The following PDLIM1 variants were observed in gnomAD, a reference collection of about 807,000 sequenced individuals.
PDLIM1 encodes the protein PDZ and LIM domain 1, also known as PDZ and LIM domain protein 1.
A neutral mutation model predicts 35.2 loss-of-function variants in PDLIM1; 25 were observed. The observed-to-expected ratio is 0.71, with a 90% CI of 0.52 to 0.99. The LOEUF is 0.99. PDLIM1 is among the 50% of genes least tolerant of loss of function. The pLI is 0.00. For synonymous variants in PDLIM1, 152 were observed against 154.0 expected (o/e 0.99, Z 0.10); for missense variants, 363 against 415.3 (o/e 0.87, Z 1.09).
chr10:95,288,729 G>A (rs540953873), intron 1 of PDLIM1, among the ~76,000 whole-genome samples: 13 of 152,220 alleles, frequency 8.5e-5, no homozygotes, highest in African/African-American at 3.1e-4. Context: ...TATTAATAAG[G>A]AGCTGAAGAG....
intron 4 of PDLIM1, among the ~76,000 whole-genome samples, chr10:95,259,461 AT>A (rs1439734269): frequency 2.0e-5 from 3 of 152,194 alleles, no homozygotes; most frequent in African/African-American, 7.2e-5. Context: ...CAAAAACGCC[AT>A]TCTGGGAAAC....
At chr10:95,239,973 T>C (rs868032062) in intron 5 of PDLIM1, among the ~76,000 whole-genome samples, 4 of 152,104 alleles carry the variant, frequency 2.6e-5, no homozygotes, top group Non-Finnish European at 4.4e-5. Flanking sequence ...ATGGCTATTA[T>C]TAAAAAGTAA....
chr10:95,266,399 C>T (rs2035417702), intron 3 of PDLIM1, among the ~76,000 whole-genome samples: 1 of 152,030 alleles, frequency 6.6e-6, no homozygotes, highest in Non-Finnish European at 1.5e-5. Context: ...CCAGGATGGT[C>T]ATTCTTTCTT....
Position 95,290,746 on chromosome 10 carries a change from G to C in PDLIM1, c.96+74C>G. On this transcript the variant is annotated intron_variant, in intron 1 of 6. Transcript: ENST00000329399. This position sits in a 1 kb window ranked among gnomAD's most constrained non-coding sequence, Gnocchi z 4.7. ...CGGTTCCGACTCCGTCCCCGACCGC[G>C]CCCGCGGGGCCCCAGTCTCCGCATA... 9.4e-7 allele frequency: 1 copy of C among 1,064,166 alleles called. No individual in the cohort carries two copies. The highest frequency in any genetic ancestry group is 1.3e-6 in the Non-Finnish European group (1 of 760,340). The allele number at this position is 1,064,166 out of a possible 1,614,324, so 65.9% of individuals were successfully genotyped here.
intron 1 of PDLIM1, among the ~76,000 whole-genome samples, chr10:95,274,194 C>T (rs2035490991): frequency 6.6e-6 from 1 of 152,070 alleles, no homozygotes; most frequent in Non-Finnish European, 1.5e-5. Context: ...TTACCTCTGC[C>T]TGATTAACTT....
At chr10:95,248,034 G>A in intron 4 of PDLIM1, among the ~76,000 whole-genome samples, 1 of 152,234 alleles carries the variant, frequency 6.6e-6, no homozygotes, top group East Asian at 1.9e-4. Context: ...CATGCTGGGT[G>A]ACCCAGAACA....
chr10:95,281,858 C>T (rs1422775775), intron 1 of PDLIM1, among the ~76,000 whole-genome samples: 6 of 152,192 alleles, frequency 3.9e-5, no homozygotes, highest in Non-Finnish European at 1.5e-5. Flanking sequence ...TTTCCCTTGG[C>T]CAGAAAACTC....
intron 2 of PDLIM1, among the ~76,000 whole-genome samples, chr10:95,269,366 G>GT: frequency 6.6e-6 from 1 of 152,284 alleles, no homozygotes; most frequent in South Asian, 2.1e-4. Context: ...GAGGTCTGGA[G>GT]TTTGACATCA....
At position 95,290,217 on chromosome 10, in the gene PDLIM1, G is replaced by A. The variant is rs2035640639; in HGVS notation, c.96+603C>T. ...ACGGCGGGGCCACGTTCTGCAGAGG[G>A]GAGAATGACCAAGAGGGTTTACTTG... On this transcript the variant is annotated intron_variant, in intron 1 of 6. Transcript: ENST00000329399. This position sits in a 1 kb window ranked among gnomAD's most constrained non-coding sequence, Gnocchi z 4.7. Among the ~76,000 whole-genome samples the A allele has an allele frequency of 6.6e-6, 1 of 152,136 alleles. No homozygotes were observed. The highest frequency in any genetic ancestry group is 2.4e-5 in the African/African-American group (1 of 41,408).
intron 1 of PDLIM1, among the ~76,000 whole-genome samples, chr10:95,287,424 T>C (rs1185206283): frequency 1.3e-5 from 2 of 152,160 alleles, no homozygotes; most frequent in Non-Finnish European, 2.9e-5. Flanking sequence ...AGAAAAAGCA[T>C]AAGCATTTGC....
chr10:95,263,438 T>C (rs947627171), intron 4 of PDLIM1, among the ~76,000 whole-genome samples: 1 of 152,134 alleles, frequency 6.6e-6, no homozygotes, highest in African/African-American at 2.4e-5. Flanking sequence ...TCTCCCTTGC[T>C]TAGTTCAGAT....
rs1444629850 is a variant in PDLIM1, at chr10:95,238,046, C to T, written c.869G>A (p.Gly290Asp). 12 of 1,614,142 alleles carry T rather than the reference C, an allele frequency of 7.4e-6. No individual in the cohort carries two copies. The Admixed American group carries it at 8.3e-5, about 11-fold the overall frequency. Residue 290 changes from glycine (G) to aspartate (D), a missense_variant, in exon 7 of 7, where the codon GGC becomes GAC. Physicochemically the swap from Gly to Asp is moderately conservative, Grantham distance 94 (BLOSUM62 -1). Transcript: ENST00000329399. ...HPECYVCTDC[G>D]TNLKQKGHFF... ...ATGGCCCTTCTGTTTCAGGTTGGTGCCACAGTCAGTGCACACATAACACTC... is the reference window on the plus strand; with the variant it reads ...ATGGCCCTTCTGTTTCAGGTTGGTGTCACAGTCAGTGCACACATAACACTC...
At chr10:95,257,038 G>GAAAT (rs1440640324) in intron 4 of PDLIM1, among the ~76,000 whole-genome samples, 2,243 of 129,432 alleles carry the variant, frequency 0.017, 85 homozygotes, top group Admixed American at 0.034. Flanking sequence ...AAGAAAGAAA[G>GAAAT]AATTCAAAAT....
chr10:95,239,262 G>A (rs2035153471), intron 5 of PDLIM1, among the ~76,000 whole-genome samples: 1 of 152,086 alleles, frequency 6.6e-6, no homozygotes. Context: ...GAAAATCTAG[G>A]CAATACCATT....
intron 3 of PDLIM1, among the ~76,000 whole-genome samples, chr10:95,266,454 C>G (rs2035418094): frequency 6.6e-6 from 1 of 152,126 alleles, no homozygotes; most frequent in African/African-American, 2.4e-5. Flanking sequence ...GCAGAGGATG[C>G]AGAGCCCCAA....
rs1438805080 is a variant in PDLIM1, at chr10:95,269,867, C to T, written c.249-1005G>A. ...TCTCCCAGCCCAGTCTCCCGAGTAGCTGAGATTACAGGCACCTGCCATCAT... is the reference window on the plus strand; with the variant it reads ...TCTCCCAGCCCAGTCTCCCGAGTAGTTGAGATTACAGGCACCTGCCATCAT... On this transcript the variant is annotated intron_variant, in intron 2 of 6. Coordinates refer to ENST00000329399, the MANE Select transcript of PDLIM1 (RefSeq NM_020992.4). 1.8e-4 allele frequency among the ~76,000 whole-genome samples: 28 copies of T among 152,222 alleles called. No homozygotes were observed. In the South Asian group the frequency reaches 5.8e-3, roughly 32 times the overall value.
At chr10:95,279,130 AAAATCTGG>A (rs1249173879) in intron 1 of PDLIM1, among the ~76,000 whole-genome samples, 1 of 152,220 alleles carries the variant, frequency 6.6e-6, no homozygotes, top group Non-Finnish European at 1.5e-5. Flanking sequence ...GAAAAATCAG[AAAATCTGG>A]CAATTCTGGG....
At chr10:95,282,239 T>C (rs1036431590) in intron 1 of PDLIM1, among the ~76,000 whole-genome samples, 1 of 152,202 alleles carries the variant, frequency 6.6e-6, no homozygotes, top group South Asian at 2.1e-4. Context: ...CTCTGTAGGA[T>C]GCCATTTACA....
In PDLIM1 at chr10:95,290,972, A is replaced by T; in HGVS notation, c.-57T>A. ...GACAGACGGGCAGGACGCGCGGAAC[A>T]GCTTGCAGGGCACCCCCGGCGGCTG... is the stretch of plus-strand genomic sequence containing the variant. On this transcript the variant is annotated 5_prime_UTR_variant, in exon 1 of 7. Transcript: ENST00000329399. This position sits in a 1 kb window ranked among gnomAD's most constrained non-coding sequence, Gnocchi z 4.7. The T allele has an allele frequency of 1.8e-6, 2 of 1,091,520 alleles. No homozygotes were observed. The highest frequency in any genetic ancestry group is 2.6e-6 in the Non-Finnish European group (2 of 770,336). The allele number at this position is 1,091,520 out of a possible 1,614,324, so 67.6% of individuals were successfully genotyped here.
Sources: gnomAD v4.1 joint callset for allele counts (sites outside exome capture counted in the v4.1 genomes callset) on GRCh38, gnomAD v4.1.1 for gene constraint, Gnocchi (gnomAD v3.1) non-coding constraint, MANE v1.5 for transcripts, NCBI Gene and HGNC (gene_info 2026-07-23, HGNC 2026-07-21) for gene names.